The following UBE3C variants were observed in gnomAD, a reference collection of about 807,000 sequenced individuals.
UBE3C encodes the protein ubiquitin-protein ligase E3C.
In UBE3C, 42 loss-of-function variants were observed where a neutral mutation model predicts 129.4. The observed-to-expected ratio is 0.32, with a 90% CI of 0.25 to 0.42. UBE3C has a LOEUF of 0.42. Ranked by LOEUF, UBE3C falls within the 10% of genes least tolerant of loss-of-function variation. UBE3C has a pLI of 1.00. For synonymous variants in UBE3C, 510 were observed against 492.4 expected (o/e 1.04, Z -0.47); for missense variants, 1,049 against 1,319.1 (o/e 0.80, Z 3.17).
intron 1 of UBE3C, among the ~76,000 whole-genome samples, chr7:157,163,262 C>G (rs1179981011): frequency 6.6e-6 from 1 of 151,944 alleles, no homozygotes; most frequent in Non-Finnish European, 1.5e-5. Flanking sequence ...TGGCGGGCGC[C>G]TGTAGTCCCA....
intron 3 of UBE3C, among the ~76,000 whole-genome samples, chr7:157,169,338 T>C (rs1157091748): frequency 6.6e-6 from 1 of 152,066 alleles, no homozygotes; most frequent in Non-Finnish European, 1.5e-5. Context: ...CTCACCACAG[T>C]TGAAAATCAA....
intron 1 of UBE3C, among the ~76,000 whole-genome samples, chr7:157,162,542 CTTT>C (rs201356346): frequency 1.4e-5 from 2 of 140,114 alleles, no homozygotes; most frequent in Non-Finnish European, 3.1e-5. Flanking sequence ...CAATCTTGAA[CTTT>C]TTTTTTTTTT....
chr7:157,243,167 CG>C (rs1796390420), intron 18 of UBE3C, among the ~76,000 whole-genome samples: 1 of 152,200 alleles, frequency 6.6e-6, no homozygotes. Context: ...GTGTCCTCCA[CG>C]GTCCCCATCC....
At chr7:157,200,896 A>G (rs542108699) in intron 10 of UBE3C, among the ~76,000 whole-genome samples, 1 of 152,114 alleles carries the variant, frequency 6.6e-6, no homozygotes, top group Non-Finnish European at 1.5e-5. Context: ...GATTACAGGC[A>G]TGAGCCACCG....
At chr7:157,253,885 T>G in intron 19 of UBE3C, 69 bp from the exon 20 acceptor site, 1 of 1,431,278 alleles carries the variant, frequency 7.0e-7, no homozygotes, top group Non-Finnish European at 9.4e-7. Context: ...AACATTTGTT[T>G]CTTGCTTTTT....
Position 157,254,246 on chromosome 7 carries a change from A to T in UBE3C, c.2886A>T (p.Val962=). ...LRMFDQQEIQ[V]LISGAQVPIS... is the part of the protein sequence containing the mutation. ...ATTATTTGAACTTTTTTCCTTAGGT[A>T]TTAATTTCTGGTGCACAAGTTCCCA... The change falls in exon 21 of 23, where the codon GTA becomes GTT. Residue 962 remains valine, a splice_region_variant and synonymous_variant. Transcript: ENST00000348165. 1.2e-6 allele frequency: 2 copies of T among 1,613,172 alleles called. No homozygotes were observed. Among genetic ancestry groups the T allele is most frequent in the African/African-American group, 2.7e-5 (2 of 74,982 alleles).
At chr7:157,217,822 A>G (rs1335995428) in intron 14 of UBE3C, among the ~76,000 whole-genome samples, 1 of 151,322 alleles carries the variant, frequency 6.6e-6, no homozygotes, top group African/African-American at 2.4e-5. Flanking sequence ...GGGTGATAAG[A>G]GCGAAATTCC....
chr7:157,228,139 T>C (rs1181691122), intron 17 of UBE3C, among the ~76,000 whole-genome samples: 1 of 152,262 alleles, frequency 6.6e-6, no homozygotes, highest in African/African-American at 2.4e-5. Flanking sequence ...TGCTTTACGA[T>C]GCTCGTTGTC....
chr7:157,265,629 G>A (rs79078444), intron 22 of UBE3C, among the ~76,000 whole-genome samples: 1 of 152,336 alleles, frequency 6.6e-6, no homozygotes, highest in Non-Finnish European at 1.5e-5. Flanking sequence ...ACCATTAATA[G>A]GCAAGATGAG....
At chr7:157,253,069 T>A (rs578234964) in intron 19 of UBE3C, among the ~76,000 whole-genome samples, 108 of 152,298 alleles carry the variant, frequency 7.1e-4, no homozygotes, top group African/African-American at 2.1e-3. Flanking sequence ...TTTTTAAAAA[T>A]TTTTTTATTT....
intron 22 of UBE3C, among the ~76,000 whole-genome samples, chr7:157,264,074 T>TACACAC (rs1351022385): frequency 6.2e-5 from 9 of 145,144 alleles, no homozygotes; most frequent in Middle Eastern, 7.8e-3. Flanking sequence ...CTCGGCCTGT[T>TACACAC]ACACACACAC....
chr7:157,186,768 T>A, intron 9 of UBE3C, 66 bp from the exon 10 acceptor site: 3 of 1,560,570 alleles, frequency 1.9e-6, no homozygotes, highest in Non-Finnish European at 1.7e-6. Context: ...TTCGTATATG[T>A]TTGTAGTGTA....
intron 18 of UBE3C, among the ~76,000 whole-genome samples, chr7:157,242,567 T>C (rs1796367595): frequency 7.2e-6 from 1 of 139,594 alleles, no homozygotes; most frequent in Non-Finnish European, 1.5e-5. Context: ...GAAGCAGGAG[T>C]GTAAAACTGT....
chr7:157,225,317 TA>T, intron 16 of UBE3C, 89 bp from the exon 17 acceptor site: 11 of 1,443,592 alleles, frequency 7.6e-6, no homozygotes, highest in Non-Finnish European at 1.0e-5. Flanking sequence ...TTTATGAAGA[TA>T]CAAAAGATAA....
At chr7:157,233,793 T>C (rs1450056752) in intron 18 of UBE3C, among the ~76,000 whole-genome samples, 1 of 152,244 alleles carries the variant, frequency 6.6e-6, no homozygotes, top group Non-Finnish European at 1.5e-5. Context: ...TCAAAGTGTC[T>C]GCAACCTTTT....
intron 9 of UBE3C, among the ~76,000 whole-genome samples, chr7:157,184,743 T>C (rs1203472317): frequency 6.6e-6 from 1 of 152,228 alleles, no homozygotes; most frequent in African/African-American, 2.4e-5. Flanking sequence ...GAAGTGGGTG[T>C]GTCAGTGCAG....
intron 9 of UBE3C, among the ~76,000 whole-genome samples, chr7:157,185,394 G>C (rs557559246): frequency 3.8e-4 from 58 of 152,074 alleles, no homozygotes; most frequent in South Asian, 3.1e-3. Flanking sequence ...AATACATAAG[G>C]GTTTCAAGGT....
chr7:157,178,937 G>C, intron 6 of UBE3C, 90 bp downstream of exon 6: 2 of 1,504,300 alleles, frequency 1.3e-6, no homozygotes, highest in Non-Finnish European at 9.0e-7. Flanking sequence ...TGTGCCCTCA[G>C]TCTCAATGTC....
intron 4 of UBE3C, among the ~76,000 whole-genome samples, chr7:157,172,854 C>T (rs1354165778): frequency 6.6e-6 from 1 of 152,216 alleles, no homozygotes; most frequent in Admixed American, 6.5e-5. Context: ...CGATTGGTGT[C>T]TCTCCAGAGC....
Sources: allele counts gnomAD v4.1 joint callset (sites outside exome capture counted in the v4.1 genomes callset), GRCh38; gene constraint gnomAD v4.1.1; transcripts MANE v1.5; gene names NCBI Gene and HGNC (gene_info 2026-07-23, HGNC 2026-07-21).